UBE3D: variants seen among roughly 807,000 people sequenced by gnomAD.
UBE3D encodes the protein ubiquitin protein ligase E3D.
A neutral mutation model predicts 49.6 loss-of-function variants in UBE3D; 48 were observed. The observed-to-expected ratio is 0.97, with a 90% CI of 0.77 to 1.23. The LOEUF (loss-of-function observed/expected upper bound fraction) is 1.23. UBE3D is among the 50% of genes most tolerant of loss of function. The pLI, the probability that UBE3D is intolerant of heterozygous loss-of-function variation, is 0.00. For synonymous variants in UBE3D, 189 were observed against 174.2 expected, an observed-to-expected ratio of 1.08 and a Z score of -0.67; for missense variants, 452 against 468.4, an observed-to-expected ratio of 0.96 and a Z score of 0.32.
At chr6:83,040,026 T>C (rs942890996) in intron 4 of UBE3D, among the ~76,000 whole-genome samples, 2 of 152,108 alleles carry the variant, frequency 1.3e-5, no homozygotes, top group African/African-American at 2.4e-5. Flanking sequence ...CAAGAAACTT[T>C]TATTTGAGGT....
intron 5 of UBE3D, chr6:83,032,447 A>G: frequency 2.8e-6 from 1 of 357,460 alleles, no homozygotes; most frequent in Non-Finnish European, 5.6e-6. Context: ...GTATTTACCC[A>G]ATGCCTGTAC....
At chr6:83,052,361 C>T (rs1267604936) in intron 3 of UBE3D, among the ~76,000 whole-genome samples, 3 of 152,136 alleles carry the variant, frequency 2.0e-5, no homozygotes, top group Non-Finnish European at 2.9e-5. Flanking sequence ...AGATTATCTG[C>T]ACTCCGAGAG....
chr6:83,046,947 T>C (rs1473615212), intron 3 of UBE3D, among the ~76,000 whole-genome samples: 1 of 152,158 alleles, frequency 6.6e-6, no homozygotes, highest in South Asian at 2.1e-4. Flanking sequence ...GTGAAAGGAA[T>C]TAAGGGCATC....
At chr6:82,985,642 A>G (rs1188220236) in intron 8 of UBE3D, among the ~76,000 whole-genome samples, 1 of 152,174 alleles carries the variant, frequency 6.6e-6, no homozygotes, top group Admixed American at 6.5e-5. Context: ...GATTACAGGC[A>G]TCAGCCACTG....
intron 9 of UBE3D, among the ~76,000 whole-genome samples, chr6:82,942,642 T>C (rs571177163): frequency 6.6e-6 from 1 of 152,246 alleles, no homozygotes; most frequent in Admixed American, 6.5e-5. Flanking sequence ...TTTCAAAGGG[T>C]GCAAGCCCCA....
At chr6:83,024,306 C>A (rs719639) in intron 5 of UBE3D, among the ~76,000 whole-genome samples, 97,212 of 152,014 alleles carry the variant, frequency 0.64, 31,905 homozygotes, top group East Asian at 0.78. Flanking sequence ...AAGTTAGTCA[C>A]ATCACAGGCA....
intron 8 of UBE3D, among the ~76,000 whole-genome samples, chr6:83,002,160 G>A (rs889691471): frequency 6.6e-6 from 1 of 152,140 alleles, no homozygotes; most frequent in Non-Finnish European, 1.5e-5. Flanking sequence ...GAATAGGGGT[G>A]GAGTGGGGGA....
chr6:83,050,758 A>G (rs768616837), intron 3 of UBE3D, among the ~76,000 whole-genome samples: 29 of 147,798 alleles, frequency 2.0e-4, no homozygotes, highest in Admixed American at 1.7e-3. Flanking sequence ...GTCTTTTTCC[A>G]TACAACTCAG....
chr6:83,010,589 C>T (rs1038231588), intron 8 of UBE3D, among the ~76,000 whole-genome samples: 7 of 152,014 alleles, frequency 4.6e-5, no homozygotes, highest in Admixed American at 2.0e-4. Flanking sequence ...CAGATATATA[C>T]ATATAAAGGG....
intron 3 of UBE3D, among the ~76,000 whole-genome samples, chr6:83,044,947 C>T (rs1040344857): frequency 1.1e-4 from 16 of 152,266 alleles, no homozygotes; most frequent in Non-Finnish European, 1.8e-4. Context: ...ACATATCACA[C>T]GAAGTTTGAG....
chr6:82,955,306 A>C (rs1281785774), intron 9 of UBE3D, among the ~76,000 whole-genome samples: 1 of 152,196 alleles, frequency 6.6e-6, no homozygotes, highest in Non-Finnish European at 1.5e-5. Flanking sequence ...CTTTGTAATA[A>C]AATTCCTCTC....
intron 8 of UBE3D, among the ~76,000 whole-genome samples, chr6:82,978,904 C>T (rs10943919): frequency 0.16 from 24,843 of 151,970 alleles, 2,098 homozygotes; most frequent in African/African-American, 0.19. Flanking sequence ...GAGGTCATTT[C>T]GACCCATTTT....
chr6:82,887,389 G>GTTTTTGTTTTGTTTTTTT, the UBE3D span, among the ~76,000 whole-genome samples: 71 of 98,316 alleles, frequency 7.2e-4, 1 homozygote, highest in African/African-American at 2.2e-3. Context: ...GACAGTAACA[G>GTTTTTGTTTTGTTTTTTT]TTTTTTTTTT....
At chr6:83,063,373 C>CACTGCACT (rs1369225046) in intron 1 of UBE3D, 27 of 142,082 alleles carry the variant, frequency 1.9e-4, no homozygotes, top group African/African-American at 7.0e-4. Context: ...ATGATCACAC[C>CACTGCACT]ACTGCACTGT....
intron 8 of UBE3D, among the ~76,000 whole-genome samples, chr6:82,990,812 C>A (rs1269526827): frequency 6.6e-6 from 1 of 152,158 alleles, no homozygotes; most frequent in Non-Finnish European, 1.5e-5. Context: ...TATATAAATA[C>A]TGAAGCCCTC....
chr6:83,018,854 C>T lies in UBE3D; in HGVS notation c.1010+119G>A, dbSNP rs946660211. The T allele has an allele frequency of 1.1e-5, 12 of 1,104,130 alleles. No homozygotes were observed. In the African/African-American group the frequency reaches 1.6e-4, roughly 15 times the overall value. 68.4% of individuals were successfully genotyped at this position (1,104,130 alleles called of 1,614,324 possible). On this transcript the variant is annotated intron_variant, in intron 8 of 9. Transcript: ENST00000369747. ...CATATAATATTTAGCAGTATTGGCT[C>T]CTAGAAGCTTCAAGTAGGGAAATGG... is the stretch of plus-strand genomic sequence containing the variant.
intron 9 of UBE3D, among the ~76,000 whole-genome samples, chr6:82,941,612 CA>C (rs775190709): frequency 6.6e-5 from 10 of 152,130 alleles, no homozygotes; most frequent in Non-Finnish European, 1.2e-4. Flanking sequence ...TCTGTGTCCC[CA>C]CCCAAATCTC....
downstream of UBE3D, among the ~76,000 whole-genome samples, chr6:82,890,182 G>T (rs984856445): frequency 2.6e-5 from 4 of 152,076 alleles, no homozygotes; most frequent in Non-Finnish European, 5.9e-5. Context: ...AGCCCTCCCA[G>T]CATGGTTTAA....
intron 9 of UBE3D, among the ~76,000 whole-genome samples, chr6:82,923,530 AG>A (rs1366285964): frequency 6.6e-6 from 1 of 151,714 alleles, no homozygotes; most frequent in Non-Finnish European, 1.5e-5. Context: ...GGACACAGAG[AG>A]GGGAACATCA....
Sources: allele counts gnomAD v4.1 joint callset (sites outside exome capture counted in the v4.1 genomes callset), GRCh38; gene constraint gnomAD v4.1.1; transcripts MANE v1.5; gene names NCBI Gene and HGNC (gene_info 2026-07-23, HGNC 2026-07-21).